Variants in MYO3A observed in about 807,000 individuals in gnomAD.
The protein encoded by MYO3A is myosin IIIA.
In MYO3A, 180 loss-of-function variants were observed where a neutral mutation model predicts 192.7. That is an observed-to-expected ratio of 0.93 (90% CI 0.83 to 1.06). The LOEUF is 1.06. Ranked by LOEUF, MYO3A falls within the 50% of genes least tolerant of loss-of-function variation. The pLI is 0.00. For missense variants in MYO3A, 1,896 were observed against 1,905.0 expected, an observed-to-expected ratio of 1.00 and a Z score of 0.09; for synonymous variants, 628 against 645.3, an observed-to-expected ratio of 0.97 and a Z score of 0.41.
intron 27 of MYO3A, among the ~76,000 whole-genome samples, chr10:26,168,030 T>G (rs10741106): frequency 0.71 from 107,808 of 152,146 alleles, 38,343 homozygotes; most frequent in Middle Eastern, 0.75. Context: ...CCAAGCCTTC[T>G]GGCTCCTCCC....
At chr10:26,170,598 T>G in intron 29 of MYO3A, 59 bp downstream of exon 29, 1 of 1,540,114 alleles carries the variant, frequency 6.5e-7, no homozygotes, top group Non-Finnish European at 8.9e-7. Context: ...ATCTGTAAGG[T>G]CATAGAATAA....
chr10:26,199,800 G>A (rs1564641461), intron 32 of MYO3A, among the ~76,000 whole-genome samples: 1 of 152,106 alleles, frequency 6.6e-6, no homozygotes, highest in Non-Finnish European at 1.5e-5. Context: ...ACTCAACATA[G>A]TGCCATCACT....
At chr10:26,070,503 A>G (rs1483700438) in intron 14 of MYO3A, 102 bp downstream of exon 14, 7 of 1,025,648 alleles carry the variant, frequency 6.8e-6, no homozygotes, top group Non-Finnish European at 1.0e-5. Context: ...CACATTTAAT[A>G]ATGTACAGAA....
At chr10:26,057,140 G>A (rs1026000303) in intron 10 of MYO3A, among the ~76,000 whole-genome samples, 8 of 152,236 alleles carry the variant, frequency 5.3e-5, no homozygotes, top group African/African-American at 1.9e-4. Flanking sequence ...CCAGAGTTTA[G>A]TGAGTTGAGG....
intron 15 of MYO3A, among the ~76,000 whole-genome samples, chr10:26,091,477 A>G (rs563773549): frequency 2.2e-4 from 34 of 152,288 alleles, no homozygotes; most frequent in African/African-American, 7.9e-4. Flanking sequence ...AATTATAGCT[A>G]TTTCCATTGC....
chr10:26,102,270 A>G (rs1837504327), intron 17 of MYO3A, among the ~76,000 whole-genome samples: 1 of 152,146 alleles, frequency 6.6e-6, no homozygotes, highest in African/African-American at 2.4e-5. Flanking sequence ...GGTCTTCTCT[A>G]CACTGTTTAT....
At chr10:26,053,210 A>G (rs1028758088) in intron 10 of MYO3A, among the ~76,000 whole-genome samples, 4 of 152,334 alleles carry the variant, frequency 2.6e-5, no homozygotes, top group Admixed American at 2.6e-4. Context: ...ATGTGTGTAT[A>G]TACACATATA....
At chr10:26,195,362 G>C (rs535573733) in intron 32 of MYO3A, among the ~76,000 whole-genome samples, 2 of 152,068 alleles carry the variant, frequency 1.3e-5, no homozygotes, top group Non-Finnish European at 2.9e-5. Flanking sequence ...AGCATGTCTT[G>C]TCAGTAGTTC....
chr10:26,189,907 A>G (rs1843044200), intron 31 of MYO3A, among the ~76,000 whole-genome samples: 1 of 152,044 alleles, frequency 6.6e-6, no homozygotes, highest in African/African-American at 2.4e-5. Flanking sequence ...TACTAAAAAT[A>G]TAAAAATTAT....
At chr10:26,107,822 G>A (rs1285536254) in intron 17 of MYO3A, among the ~76,000 whole-genome samples, 2 of 151,746 alleles carry the variant, frequency 1.3e-5, no homozygotes, top group South Asian at 2.1e-4. Flanking sequence ...AAAGAGAAAG[G>A]CAAAACCACA....
At chr10:26,204,563 A>T (rs1843822169) in intron 34 of MYO3A, 1 of 152,276 alleles carries the variant, frequency 6.6e-6, no homozygotes, top group South Asian at 2.1e-4. Flanking sequence ...CCTCACAGCA[A>T]CCGCACGAGG....
At position 25,997,178 on chromosome 10, in the gene MYO3A, A is replaced by G. The variant is rs1465424336; in HGVS notation, c.428A>G (p.Asn143Ser). The change falls in exon 6 of 35, where the codon AAC (asparagine) becomes AGC (serine). Residue 143 changes from asparagine (N) to serine (S), a missense_variant. By Grantham distance (46) the Asn-to-Ser change is conservative. Coordinates refer to ENST00000642920, the MANE Select transcript of MYO3A (RefSeq NM_017433.5). ...EALMGLQHLH[N>S]NKTIHRDVKG... ...TTCTAGGGACTTCAACATTTGCATA[A>G]CAACAAAACTATCCACAGAGATGTG... The G allele has an allele frequency of 6.2e-7, 1 of 1,613,238 alleles. No homozygotes were observed. The highest frequency in any genetic ancestry group is 8.5e-7 in the Non-Finnish European group (1 of 1,179,424).
At chr10:26,071,223 T>C (rs1835187294) in intron 14 of MYO3A, among the ~76,000 whole-genome samples, 1 of 152,124 alleles carries the variant, frequency 6.6e-6, no homozygotes, top group Non-Finnish European at 1.5e-5. Context: ...CTGAACAAAA[T>C]AGTGAGGCTA....
At chr10:26,182,165 C>T (rs1381078616) in intron 31 of MYO3A, among the ~76,000 whole-genome samples, 1 of 152,196 alleles carries the variant, frequency 6.6e-6, no homozygotes, top group South Asian at 2.1e-4. Context: ...AGATGGTCAT[C>T]TCCAGTATAG....
At chr10:25,940,958 T>C (rs1179721162) in intron 2 of MYO3A, among the ~76,000 whole-genome samples, 1 of 152,244 alleles carries the variant, frequency 6.6e-6, no homozygotes, top group African/African-American at 2.4e-5. Context: ...ACCTTTCAAC[T>C]ATTTTGGAAA....
chr10:26,070,294 C>CA, intron 13 of MYO3A, 24 bp from the exon 14 acceptor site: 1 of 1,610,138 alleles, frequency 6.2e-7, no homozygotes, highest in Non-Finnish European at 8.5e-7. Context: ...AAGGTCTTCT[C>CA]ACAGTTTTCT....
intron 4 of MYO3A, among the ~76,000 whole-genome samples, chr10:25,964,124 T>C (rs947076704): frequency 6.6e-6 from 1 of 152,182 alleles, no homozygotes; most frequent in Non-Finnish European, 1.5e-5. Context: ...CCTAGATTTT[T>C]AAAGCATTTT....
intron 26 of MYO3A, among the ~76,000 whole-genome samples, chr10:26,161,147 A>C (rs1427114171): frequency 6.6e-6 from 1 of 152,212 alleles, no homozygotes; most frequent in Non-Finnish European, 1.5e-5. Context: ...TTTCTGTGTC[A>C]CTAATTTGGA....
At chr10:26,055,235 G>T (rs1321011921) in intron 10 of MYO3A, among the ~76,000 whole-genome samples, 1 of 152,118 alleles carries the variant, frequency 6.6e-6, no homozygotes, top group Non-Finnish European at 1.5e-5. Flanking sequence ...TCCTTTATCA[G>T]TGCCCACACC....
Sources: allele counts gnomAD v4.1 joint callset (sites outside exome capture counted in the v4.1 genomes callset), GRCh38; gene constraint gnomAD v4.1.1; transcripts MANE v1.5; gene names NCBI Gene and HGNC (gene_info 2026-07-23, HGNC 2026-07-21).